PRPF8: variants seen among roughly 807,000 people sequenced by gnomAD.
PRPF8 encodes pre-mRNA-processing-splicing factor 8.
A neutral mutation model predicts 285.9 loss-of-function variants in PRPF8; 64 were observed. That is an observed-to-expected ratio of 0.22 (90% CI 0.18 to 0.28). The LOEUF (loss-of-function observed/expected upper bound fraction) is 0.28. Among genes scored for constraint, PRPF8 ranks in the 10% least tolerant of loss-of-function variants. The probability of loss-of-function intolerance (pLI) is 1.00; values close to 1 mark genes in which losing one functional copy is unlikely to be tolerated. For missense variants in PRPF8, 1,426 were observed against 3,026.7 expected (o/e 0.47, Z 12.41); for synonymous variants, 1,325 against 1,118.2 (o/e 1.18, Z -3.69).
intron 24 of PRPF8, among the ~76,000 whole-genome samples, chr17:1,666,066 T>C (rs750460302): frequency 1.3e-5 from 2 of 148,714 alleles, no homozygotes; most frequent in Admixed American, 1.4e-4. Context: ...ACTTGGGAGC[T>C]GAAGCAGGAG....
Position 1,660,591 on chromosome 17 carries a change from C to G in PRPF8, c.4639-13G>C. 1 of 1,614,168 alleles carries G rather than the reference C, an allele frequency of 6.2e-7. No homozygotes were observed. The highest frequency in any genetic ancestry group is 8.5e-7 in the Non-Finnish European group (1 of 1,180,040). ...AGCCTACATATACCTGCCAGGAAAA[C>G]GACAATGTGACATTAGAGATCAAGA... On this transcript the variant is annotated splice_polypyrimidine_tract_variant and intron_variant, in intron 29 of 42. Transcript: ENST00000304992.
chr17:1,679,463 C>T lies in PRPF8; in HGVS notation c.1290-53G>A. On this transcript the variant is annotated intron_variant, in intron 9 of 42. Coordinates refer to ENST00000304992, the MANE Select transcript of PRPF8 (RefSeq NM_006445.4). The surrounding 1 kb of genome is among the most constrained non-coding windows in gnomAD (Gnocchi z 4.7). ...GCCATCTCTTCTTCCAGACACTCTG[C>T]TAAAGGCTGCAAGCCTTGGGTTGTC... 1.9e-6 allele frequency: 3 copies of T among 1,611,150 alleles called. No homozygotes were observed. Among genetic ancestry groups the T allele is most frequent in the Non-Finnish European group, 2.5e-6 (3 of 1,179,854 alleles).
chr17:1,650,634 T>G lies in PRPF8; in HGVS notation c.*168A>C. 1 of 774,144 alleles carries G rather than the reference T, an allele frequency of 1.3e-6. No individual in the cohort carries two copies. Among genetic ancestry groups the G allele is most frequent in the Non-Finnish European group, 2.0e-6 (1 of 495,736 alleles). The allele number at this position is 774,144 out of a possible 1,614,324, so 48.0% of individuals were successfully genotyped here. A position where few individuals can be genotyped will look rare whatever the true frequency, so the allele number is the denominator to read the frequency against. On this transcript the variant is annotated 3_prime_UTR_variant, in exon 43 of 43. Coordinates refer to ENST00000304992, the MANE Select transcript of PRPF8 (RefSeq NM_006445.4). ...AAACAAACCAGCCCCTGAACTCCTA[T>G]TTATACAAAATTTATTATTATATTT... is the stretch of plus-strand genomic sequence containing the variant.
In PRPF8 at chr17:1,676,806, C is replaced by T. The variant is rs1472064193; in HGVS notation, c.2182-95G>A. ...CTACTCAGGAGGCTAAGGAGGATCG[C>T]TTGAGCTCAGGAGCTTGAGGCCAGC... On this transcript the variant is annotated intron_variant, in intron 15 of 42. Transcript: ENST00000304992. This position sits in a 1 kb window ranked among gnomAD's most constrained non-coding sequence, Gnocchi z 6.3. 2.0e-6 allele frequency: 3 copies of T among 1,515,976 alleles called. No homozygotes were observed. Among genetic ancestry groups the T allele is most frequent in the East Asian group, 4.5e-5 (2 of 44,486 alleles). 93.9% of individuals were successfully genotyped at this position (1,515,976 alleles called of 1,614,324 possible).
Position 1,677,688 on chromosome 17 carries a change from C to T in PRPF8, c.1861G>A (p.Val621Ile). ...AAGCCACAGCCAGGACCCTTCCCTACAGGGCCCTACGATCCCAAGCAGAAG... is the reference window on the plus strand; with the variant it reads ...AAGCCACAGCCAGGACCCTTCCCTATAGGGCCCTACGATCCCAAGCAGAAG... ...LIYYRFNTGPVGKGPGCGFWA... is the reference protein window; with the variant it reads ...LIYYRFNTGPIGKGPGCGFWA... Residue 621 changes from valine to isoleucine, a missense_variant, in exon 14 of 43, where the codon GTA becomes ATA. Around this residue, in one of 34 missense-constraint regions of PRPF8, gnomAD observed 69 missense variants for 134.7 expected, o/e 0.51. Coordinates refer to ENST00000304992, the MANE Select transcript of PRPF8 (RefSeq NM_006445.4). 1 of 1,613,924 alleles carries T rather than the reference C, an allele frequency of 6.2e-7. No individual in the cohort carries two copies. The highest frequency in any genetic ancestry group is 8.5e-7 in the Non-Finnish European group (1 of 1,180,012).
rs1053277349 is a variant in PRPF8 at position 1,650,634 on chromosome 17, T to C, written c.*168A>G. On this transcript the variant is annotated 3_prime_UTR_variant, in exon 43 of 43. Transcript: ENST00000304992. ...AAACAAACCAGCCCCTGAACTCCTA[T>C]TTATACAAAATTTATTATTATATTT... 9 of 774,054 alleles carry C rather than the reference T, an allele frequency of 1.2e-5. No individual in the cohort carries two copies. Among genetic ancestry groups the C allele is most frequent in the Non-Finnish European group, 1.6e-5 (8 of 495,744 alleles). 47.9% of individuals were successfully genotyped at this position (774,054 alleles called of 1,614,324 possible).
chr17:1,678,489 AAAG>A, intron 13 of PRPF8, 26 bp downstream of exon 13: 1 of 1,614,058 alleles, frequency 6.2e-7, no homozygotes, highest in Non-Finnish European at 8.5e-7. Context: ...GTCTCAAAAA[AAAG>A]AAAGTCAGTA....
In PRPF8 at chr17:1,651,408, G is replaced by A. The variant is rs781284193; in HGVS notation, c.6650+6C>T. The A allele has an allele frequency of 3.1e-6, 5 of 1,614,078 alleles. No homozygotes were observed. The highest frequency in any genetic ancestry group is 1.7e-5 in the Admixed American group (1 of 60,014). On this transcript the variant is annotated splice_donor_region_variant and intron_variant, in intron 41 of 42. Transcript: ENST00000304992. This position sits in a 1 kb window ranked among gnomAD's most constrained non-coding sequence, Gnocchi z 5.1. Reference sequence around the variant, plus strand: ...CCATACTTCCTCCCAAGGAGCCCAGGCCCACCTGCATGTGATGATAATGGT... The same window carrying A: ...CCATACTTCCTCCCAAGGAGCCCAGACCCACCTGCATGTGATGATAATGGT...
At position 1,676,204 on chromosome 17, in the gene PRPF8, C is replaced by T. The variant is rs755793444; in HGVS notation, c.2552+3G>A. The T allele has an allele frequency of 1.9e-6, 3 of 1,613,568 alleles. No homozygotes were observed. The highest frequency in any genetic ancestry group is 2.5e-6 in the Non-Finnish European group (3 of 1,180,030). On this transcript the variant is annotated splice_donor_region_variant and intron_variant, in intron 17 of 42. Transcript: ENST00000304992. This position sits in a 1 kb window ranked among gnomAD's most constrained non-coding sequence, Gnocchi z 6.3. ...GCAGGAACCTATCTACCCTACTACTCACCTATAAGCTTCCTTGAGCCGCTC... is the reference window on the plus strand; with the variant it reads ...GCAGGAACCTATCTACCCTACTACTTACCTATAAGCTTCCTTGAGCCGCTC...
rs753742445 is a variant in PRPF8 at position 1,683,711 on chromosome 17, C to A, written c.101-10G>T. 3 of 1,613,684 alleles carry A rather than the reference C, an allele frequency of 1.9e-6. No individual in the cohort carries two copies. The highest frequency in any genetic ancestry group is 2.5e-6 in the Non-Finnish European group (3 of 1,180,004). ...TGCTGCCATTTTCGAGCTGGAAAGG[C>A]ACCTCAGTTTAAAGGCCTGCACACC... On this transcript the variant is annotated splice_polypyrimidine_tract_variant and intron_variant, in intron 2 of 42. Coordinates refer to ENST00000304992, the MANE Select transcript of PRPF8 (RefSeq NM_006445.4).
intron 8 of PRPF8, 101 bp downstream of exon 8, chr17:1,680,625 C>A: frequency 1.8e-6 from 2 of 1,104,444 alleles, no homozygotes; most frequent in Non-Finnish European, 2.8e-6. Flanking sequence ...CTTAGCAAGA[C>A]GGAAAACACA....
intron 8 of PRPF8, chr17:1,680,427 AACT>A: frequency 2.0e-6 from 1 of 495,890 alleles, no homozygotes; most frequent in South Asian, 2.1e-5. Flanking sequence ...ATGGTATGTT[AACT>A]ACATCTCAAT....
intron 39 of PRPF8, among the ~76,000 whole-genome samples, chr17:1,652,318 G>A (rs530257723): frequency 3.9e-5 from 6 of 152,024 alleles, no homozygotes; most frequent in East Asian, 1.9e-4. Context: ...AGCTCACTGC[G>A]ACCTCCGCCT....
At chr17:1,665,336 A>G (rs28897085) in intron 24 of PRPF8, among the ~76,000 whole-genome samples, 29,865 of 151,234 alleles carry the variant, frequency 0.2, 6,394 homozygotes, top group African/African-American at 0.54. Context: ...TCAGGAGATC[A>G]AGACCATCCC....
Position 1,656,446 on chromosome 17 carries a change from C to T in PRPF8, c.5739G>A (p.Gln1913=). The change falls in exon 36 of 43, where the codon CAG becomes CAA. Residue 1913 remains glutamine, a synonymous_variant. Transcript: ENST00000304992. ...CGTCATAGAGGTTGAAGAGAACCAT[C>T]TGGGGCTCAGTGGCTTTAAGGATGA... ...GDLILKATEP[Q]MVLFNLYDDW... 1 of 1,614,194 alleles carries T rather than the reference C, an allele frequency of 6.2e-7. No individual in the cohort carries two copies. The highest frequency in any genetic ancestry group is 8.5e-7 in the Non-Finnish European group (1 of 1,180,028).
chr17:1,671,569 A>G (rs550319670), intron 24 of PRPF8, among the ~76,000 whole-genome samples: 1 of 152,222 alleles, frequency 6.6e-6, no homozygotes, highest in Non-Finnish European at 1.5e-5. Flanking sequence ...TTTAAAAATC[A>G]GGCCGGGTGT....
rs902856213 is a variant in PRPF8 at position 1,675,691 on chromosome 17, C to A, written c.2801G>T (p.Arg934Leu). ...QYLWYEADKR[R>L]LFPPWIKPAD... The stretch of plus-strand genomic sequence containing the variant: ...AGGCTTAATCCAGGGTGGGAACAGG[C>A]GGCGCTTGTCGGCTTCATACCACAG... The change falls in exon 19 of 43, where the codon CGC (arginine) becomes CTC (leucine). Residue 934 changes from arginine to leucine, a missense_variant. Arg to Leu is a moderately radical substitution (Grantham distance 102). Transcript: ENST00000304992. This position sits in a 1 kb window ranked among gnomAD's most constrained non-coding sequence, Gnocchi z 6.0. The A allele has an allele frequency of 1.2e-6, 2 of 1,613,932 alleles. No individual in the cohort carries two copies. Among genetic ancestry groups the A allele is most frequent in the African/African-American group, 1.3e-5 (1 of 74,868 alleles).
In PRPF8 at chr17:1,684,838, G is replaced by C. The variant is rs1913162035; in HGVS notation, c.-70C>G. 1 of 595,892 alleles carries C rather than the reference G, an allele frequency of 1.7e-6. No individual in the cohort carries two copies. The highest frequency in any genetic ancestry group is 2.0e-5 in the South Asian group (1 of 50,430). 36.9% of individuals were successfully genotyped at this position (595,892 alleles called of 1,614,324 possible). On this transcript the variant is annotated 5_prime_UTR_variant, in exon 1 of 43. Coordinates refer to ENST00000304992, the MANE Select transcript of PRPF8 (RefSeq NM_006445.4). ...CGCAGCGCAATGGCGGCCAGACTGC[G>C]TCCGCTCCGCGTTCCCAGCGCCGGG... is the stretch of plus-strand genomic sequence containing the variant.
In PRPF8 at chr17:1,653,809, C is replaced by A. The variant is rs1911208329; in HGVS notation, c.6195G>T (p.Gln2065His). Residue 2065 changes from glutamine (Q) to histidine (H), a missense_variant, in exon 38 of 43, where the codon CAG (glutamine) becomes CAT (histidine). Gln to His is a conservative substitution (Grantham distance 24, BLOSUM62 0). Around this residue, in one of 34 missense-constraint regions of PRPF8, gnomAD observed 160 missense variants for 373.7 expected, o/e 0.43. Coordinates refer to ENST00000304992, the MANE Select transcript of PRPF8 (RefSeq NM_006445.4). The surrounding 1 kb of genome is among the most constrained non-coding windows in gnomAD (Gnocchi z 4.9). ...TCCACTCAGTCTTGGATGAGAAAGT[C>A]TGGGTCTCATAGTTGCTGGTGGTGG... ...ITSTTSNYET[Q>H]TFSSKTEWRV... 6.2e-7 allele frequency: 1 copy of A among 1,614,044 alleles called. No homozygotes were observed. The highest frequency in any genetic ancestry group is 8.5e-7 in the Non-Finnish European group (1 of 1,180,044).
Sources: gnomAD v4.1 joint callset for allele counts (sites outside exome capture counted in the v4.1 genomes callset) on GRCh38, gnomAD v4.1.1 for gene constraint, gnomAD v4.1.1 regional missense constraint, Gnocchi (gnomAD v3.1) non-coding constraint, MANE v1.5 for transcripts, NCBI Gene and HGNC (gene_info 2026-07-23, HGNC 2026-07-21) for gene names.